Variants in PLD5 observed in about 807,000 individuals in gnomAD.
PLD5 encodes inactive phospholipase D5.
Under a neutral mutation model 61.1 loss-of-function variants are expected in PLD5, and 36 were observed. That is an observed-to-expected ratio of 0.59 (90% CI 0.45 to 0.78). The LOEUF (loss-of-function observed/expected upper bound fraction) is 0.78. PLD5 is among the 30% of genes least tolerant of loss of function. PLD5 has a pLI of 0.00. For synonymous variants in PLD5, 243 were observed against 242.8 expected, an observed-to-expected ratio of 1.00 and a Z score of -0.01; for missense variants, 515 against 644.4, an observed-to-expected ratio of 0.80 and a Z score of 2.17.
intron 5 of PLD5, among the ~76,000 whole-genome samples, chr1:242,138,804 A>C (rs1663942550): frequency 6.6e-6 from 1 of 152,178 alleles, no homozygotes; most frequent in South Asian, 2.1e-4. Context: ...CTCTGGGGAA[A>C]GAGTCTTTAC....
At chr1:242,512,742 A>G (rs2103003189) in intron 1 of PLD5, among the ~76,000 whole-genome samples, 1 of 152,324 alleles carries the variant, frequency 6.6e-6, no homozygotes, top group East Asian at 1.9e-4. Flanking sequence ...ATGAAATCTC[A>G]ACCTGTGGGA....
chr1:242,358,552 A>G (rs1042446229), intron 1 of PLD5, among the ~76,000 whole-genome samples: 12 of 151,668 alleles, frequency 7.9e-5, no homozygotes, highest in Non-Finnish European at 1.8e-4. Flanking sequence ...GCTATCCAGC[A>G]AGACCACCAG....
intron 1 of PLD5, among the ~76,000 whole-genome samples, chr1:242,355,064 G>C (rs1330641129): frequency 6.6e-6 from 1 of 151,994 alleles, no homozygotes; most frequent in East Asian, 1.9e-4. Context: ...ATTTATCAAG[G>C]ATATTGGCCT....
At chr1:242,348,825 C>A (rs6673965) in intron 1 of PLD5, among the ~76,000 whole-genome samples, 1 of 152,048 alleles carries the variant, frequency 6.6e-6, no homozygotes, top group African/African-American at 2.4e-5. Context: ...GAGGCCAAGG[C>A]GGGCAGATCA....
intron 5 of PLD5, among the ~76,000 whole-genome samples, chr1:242,140,060 C>T (rs2148786433): frequency 6.6e-6 from 1 of 152,300 alleles, no homozygotes; most frequent in African/African-American, 2.4e-5. Flanking sequence ...CCTACGTGTG[C>T]TTCTGCATTG....
intron 4 of PLD5, among the ~76,000 whole-genome samples, chr1:242,252,280 C>T (rs748837113): frequency 2.4e-4 from 37 of 152,316 alleles, no homozygotes; most frequent in South Asian, 2.3e-3. Flanking sequence ...CACCAGTTCT[C>T]GTGACATTGA....
At chr1:242,500,296 G>C (rs1668512517) in intron 1 of PLD5, among the ~76,000 whole-genome samples, 1 of 152,100 alleles carries the variant, frequency 6.6e-6, no homozygotes, top group Non-Finnish European at 1.5e-5. Flanking sequence ...CAGTTTATTT[G>C]GTTACACATT....
intron 1 of PLD5, among the ~76,000 whole-genome samples, chr1:242,463,999 C>T (rs1433088833): frequency 6.6e-6 from 1 of 152,148 alleles, no homozygotes; most frequent in Non-Finnish European, 1.5e-5. Flanking sequence ...ACTGACATTG[C>T]TCACATTAAG....
At chr1:242,390,537 C>G (rs897045637) in intron 1 of PLD5, among the ~76,000 whole-genome samples, 2 of 151,898 alleles carry the variant, frequency 1.3e-5, no homozygotes, top group African/African-American at 4.8e-5. Context: ...TCTTTGATGC[C>G]GAAGTCAAAG....
At chr1:242,417,321 G>A (rs893292930) in intron 1 of PLD5, among the ~76,000 whole-genome samples, 1 of 152,168 alleles carries the variant, frequency 6.6e-6, no homozygotes, top group Non-Finnish European at 1.5e-5. Context: ...TAGGGTGGAA[G>A]CATCTTTCCA....
chr1:242,403,970 C>T (rs1404101878), intron 1 of PLD5, among the ~76,000 whole-genome samples: 1 of 152,158 alleles, frequency 6.6e-6, no homozygotes, highest in Non-Finnish European at 1.5e-5. Flanking sequence ...CATCCCCCAC[C>T]TCACTTGGCT....
chr1:242,188,725 C>T (rs1668059757), intron 5 of PLD5: 2 of 152,208 alleles, frequency 1.3e-5, no homozygotes, highest in South Asian at 4.1e-4. Flanking sequence ...TGCAGCTACT[C>T]ATACACCCTT....
chr1:242,227,888 T>C (rs1361754124), intron 4 of PLD5, among the ~76,000 whole-genome samples: 2 of 152,218 alleles, frequency 1.3e-5, no homozygotes, highest in African/African-American at 2.4e-5. Context: ...CAGATACTTG[T>C]TGAGTAGGAG....
At chr1:242,390,071 AGT>A in intron 1 of PLD5, among the ~76,000 whole-genome samples, 1 of 46,606 alleles carries the variant, frequency 2.1e-5, no homozygotes, top group Non-Finnish European at 5.4e-5. Flanking sequence ...CCCAGGCTGG[AGT>A]GCAGTGGCGC....
At chr1:242,503,252 A>G (rs1668614952) in intron 1 of PLD5, among the ~76,000 whole-genome samples, 1 of 152,072 alleles carries the variant, frequency 6.6e-6, no homozygotes, top group Non-Finnish European at 1.5e-5. Context: ...GTGCCATCCC[A>G]CTGGTGATGA....
chr1:242,433,176 C>T (rs572189659), intron 1 of PLD5, among the ~76,000 whole-genome samples: 1 of 152,166 alleles, frequency 6.6e-6, no homozygotes, highest in Non-Finnish European at 1.5e-5. Flanking sequence ...ATAAACATAG[C>T]TTATGTTCAA....
At chr1:242,258,296 T>C (rs570605402) in intron 4 of PLD5, among the ~76,000 whole-genome samples, 10 of 152,308 alleles carry the variant, frequency 6.6e-5, no homozygotes, top group African/African-American at 2.4e-4. Flanking sequence ...CGAATTTCCA[T>C]CCACTGAGTA....
chr1:242,445,632 G>A (rs1447251001), intron 1 of PLD5, among the ~76,000 whole-genome samples: 5 of 151,986 alleles, frequency 3.3e-5, no homozygotes, highest in Admixed American at 6.6e-5. Flanking sequence ...ATGAGCCACC[G>A]CGCCTGGCAA....
intron 1 of PLD5, among the ~76,000 whole-genome samples, chr1:242,487,063 G>A (rs1181654390): frequency 1.3e-5 from 2 of 151,554 alleles, no homozygotes; most frequent in Non-Finnish European, 2.9e-5. Flanking sequence ...GTCTGTTGTG[G>A]GGTGGCAGCA....
Sources: allele counts gnomAD v4.1 joint callset (sites outside exome capture counted in the v4.1 genomes callset), GRCh38; gene constraint gnomAD v4.1.1; transcripts MANE v1.5; gene names NCBI Gene and HGNC (gene_info 2026-07-23, HGNC 2026-07-21).